The following CHRM2 variants were observed in gnomAD, a reference collection of about 807,000 sequenced individuals.
The protein encoded by CHRM2 is muscarinic acetylcholine receptor M2.
In CHRM2, 8 loss-of-function variants were observed where a neutral mutation model predicts 25.0. The ratio of observed to expected loss-of-function variants is 0.32; its 90% CI spans 0.19 to 0.58. The LOEUF is 0.58. Among genes scored for constraint, CHRM2 ranks in the 20% least tolerant of loss-of-function variants. CHRM2 has a pLI of 0.88. For synonymous variants in CHRM2, 202 were observed against 205.7 expected, an observed-to-expected ratio of 0.98 and a Z score of 0.15; for missense variants, 440 against 567.1, an observed-to-expected ratio of 0.78 and a Z score of 2.28.
At chr7:136,904,161 T>G (rs1344464248) in intron 2 of CHRM2, among the ~76,000 whole-genome samples, 1 of 151,918 alleles carries the variant, frequency 6.6e-6, no homozygotes, top group Non-Finnish European at 1.5e-5. Context: ...ATCACTTGAT[T>G]ATATAAAACC....
chr7:136,879,927 G>A (rs1171299433), intron 2 of CHRM2, among the ~76,000 whole-genome samples: 2 of 151,818 alleles, frequency 1.3e-5, no homozygotes, highest in African/African-American at 4.8e-5. Context: ...AGTTTGAACC[G>A]CAGGGGTCGT....
At chr7:136,958,519 G>A (rs767428922) in intron 2 of CHRM2, among the ~76,000 whole-genome samples, 5 of 138,736 alleles carry the variant, frequency 3.6e-5, no homozygotes, top group Admixed American at 2.3e-4. Context: ...GCAGTGGGGC[G>A]ATTACAGCTC....
At chr7:136,974,886 G>C (rs1802014538) in intron 2 of CHRM2, among the ~76,000 whole-genome samples, 1 of 152,158 alleles carries the variant, frequency 6.6e-6, no homozygotes, top group Admixed American at 6.5e-5. Context: ...TTGAAGGTGA[G>C]AACTGATGAG....
intron 3 of CHRM2, among the ~76,000 whole-genome samples, chr7:137,013,553 C>A (rs570727135): frequency 2.6e-5 from 4 of 152,078 alleles, no homozygotes; most frequent in Admixed American, 2.0e-4. Flanking sequence ...CTAGTTTCTG[C>A]TTCAGATGCT....
intron 2 of CHRM2, among the ~76,000 whole-genome samples, chr7:136,895,154 A>C (rs917599739): frequency 1.3e-5 from 2 of 152,340 alleles, no homozygotes; most frequent in Non-Finnish European, 2.9e-5. Flanking sequence ...ATAGTTATAC[A>C]AAGTATTTTC....
chr7:136,921,172 CCTT>C (rs1353674997), intron 2 of CHRM2, among the ~76,000 whole-genome samples: 1 of 152,058 alleles, frequency 6.6e-6, no homozygotes, highest in Non-Finnish European at 1.5e-5. Flanking sequence ...CGTTCTGTCT[CCTT>C]CTTCTCACCC....
chr7:136,945,291 T>C (rs1249752408), intron 2 of CHRM2, among the ~76,000 whole-genome samples: 1 of 152,172 alleles, frequency 6.6e-6, no homozygotes, highest in Admixed American at 6.5e-5. Flanking sequence ...TTCTTGGTCA[T>C]GAAGTCTTTG....
intron 2 of CHRM2, among the ~76,000 whole-genome samples, chr7:136,931,227 C>T (rs773960150): frequency 2.2e-4 from 33 of 152,090 alleles, no homozygotes; most frequent in Non-Finnish European, 2.9e-4. Context: ...GGGGAAATAA[C>T]ATTTCTCTAA....
chr7:136,881,881 T>C (rs1197296836), intron 2 of CHRM2, among the ~76,000 whole-genome samples: 3 of 152,028 alleles, frequency 2.0e-5, no homozygotes, highest in African/African-American at 7.2e-5. Flanking sequence ...CACATCATCT[T>C]CCAATCTTCA....
chr7:136,952,812 A>C (rs1800492810), intron 2 of CHRM2, among the ~76,000 whole-genome samples: 1 of 152,120 alleles, frequency 6.6e-6, no homozygotes, highest in Admixed American at 6.5e-5. Flanking sequence ...ATGAGTAAGA[A>C]CATAAGGTAT....
intron 2 of CHRM2, among the ~76,000 whole-genome samples, chr7:136,957,939 G>A (rs983430974): frequency 6.6e-6 from 1 of 152,082 alleles, no homozygotes; most frequent in Non-Finnish European, 1.5e-5. Flanking sequence ...TATAAATTAA[G>A]CTAGAAGTTT....
chr7:136,908,144 C>T (rs1797655441), intron 2 of CHRM2, among the ~76,000 whole-genome samples: 1 of 151,860 alleles, frequency 6.6e-6, no homozygotes, highest in Non-Finnish European at 1.5e-5. Context: ...ATTCTAAGCC[C>T]TTTCTAGTTG....
At chr7:136,974,089 T>G (rs1244577718) in intron 2 of CHRM2, among the ~76,000 whole-genome samples, 1 of 152,154 alleles carries the variant, frequency 6.6e-6, no homozygotes, top group African/African-American at 2.4e-5. Flanking sequence ...CAATCATAAA[T>G]AAAATAAATA....
At chr7:136,965,831 G>A (rs1801379423) in intron 2 of CHRM2, among the ~76,000 whole-genome samples, 1 of 151,868 alleles carries the variant, frequency 6.6e-6, no homozygotes, top group Non-Finnish European at 1.5e-5. Context: ...ACAAAAGAAT[G>A]GAATGTTGGA....
intron 2 of CHRM2, among the ~76,000 whole-genome samples, chr7:136,878,856 T>C (rs144985867): frequency 6.6e-6 from 1 of 152,054 alleles, no homozygotes; most frequent in African/African-American, 2.4e-5. Flanking sequence ...TGGTTTACTA[T>C]ACCACAAGCA....
intron 2 of CHRM2, among the ~76,000 whole-genome samples, chr7:136,910,181 C>T (rs1797764778): frequency 6.6e-6 from 1 of 151,742 alleles, no homozygotes; most frequent in Non-Finnish European, 1.5e-5. Context: ...TGTTTAATCA[C>T]CTTATATTTA....
At chr7:136,883,712 C>T (rs1796353606) in intron 2 of CHRM2, among the ~76,000 whole-genome samples, 1 of 152,094 alleles carries the variant, frequency 6.6e-6, no homozygotes, top group Non-Finnish European at 1.5e-5. Flanking sequence ...TTTTTCACCT[C>T]TCCTCTTCTG....
rs139832815 is a variant in CHRM2 at position 137,016,233 on chromosome 7, G to T, written c.1368G>T (p.Met456Ile). 5.6e-6 allele frequency: 9 copies of T among 1,612,882 alleles called. No individual in the cohort carries two copies. Among genetic ancestry groups the T allele is most frequent in the Non-Finnish European group, 7.6e-6 (9 of 1,179,234 alleles). Residue 456 changes from methionine (M) to isoleucine (I), a missense_variant, in exon 4 of 4, where the codon ATG becomes ATT. Transcript: ENST00000680005. Reference sequence around the variant, plus strand: ...AGAAGACCTTTAAACACCTTCTCATGTGTCATTATAAGAACATAGGCGCTA... The same window carrying T: ...AGAAGACCTTTAAACACCTTCTCATTTGTCATTATAAGAACATAGGCGCTA... The part of the protein sequence containing the change: ...TFKKTFKHLL[M>I]CHYKNIGATR
chr7:136,978,910 T>C (rs1802293352), intron 2 of CHRM2, among the ~76,000 whole-genome samples: 3 of 152,200 alleles, frequency 2.0e-5, no homozygotes, highest in Non-Finnish European at 2.9e-5. Flanking sequence ...ACAATAAACA[T>C]ACGTGTGCAT....
Sources: gnomAD v4.1 joint callset for allele counts (sites outside exome capture counted in the v4.1 genomes callset) on GRCh38, gnomAD v4.1.1 for gene constraint, MANE v1.5 for transcripts, NCBI Gene and HGNC (gene_info 2026-07-23, HGNC 2026-07-21) for gene names.